MFHAS1: variants seen among roughly 807,000 people sequenced by gnomAD.
The protein encoded by MFHAS1 is multifunctional ROCO family signaling regulator 1.
A neutral mutation model predicts 70.4 loss-of-function variants in MFHAS1; 50 were observed. The observed-to-expected ratio is 0.71, with a 90% confidence interval of 0.57 to 0.90. The LOEUF (loss-of-function observed/expected upper bound fraction) is 0.90. MFHAS1 is among the 40% of genes least tolerant of loss of function. The probability of loss-of-function intolerance (pLI) is 0.00; values close to 1 mark genes in which losing one functional copy is unlikely to be tolerated. For missense variants in MFHAS1, 1,795 were observed against 1,347.6 expected (o/e 1.33, Z -5.20); for synonymous variants, 952 against 620.0 (o/e 1.54, Z -7.96).
At chr8:8,846,366 A>AGGGGG (rs1563201629) in intron 1 of MFHAS1, among the ~76,000 whole-genome samples, 33 of 124,538 alleles carry the variant, frequency 2.6e-4, no homozygotes, top group African/African-American at 9.6e-4. Flanking sequence ...GGAGGAGGAG[A>AGGGGG]AGGAGAAGGA....
chr8:8,882,004 G>A (rs4841061), intron 1 of MFHAS1, among the ~76,000 whole-genome samples: 34,066 of 151,986 alleles, frequency 0.22, 4,844 homozygotes, highest in African/African-American at 0.4. Context: ...GAATTAGGCG[G>A]TAGATATGGA....
At chr8:8,887,396 GT>G (rs2116942067) in intron 1 of MFHAS1, among the ~76,000 whole-genome samples, 1 of 151,812 alleles carries the variant, frequency 6.6e-6, no homozygotes, top group East Asian at 1.9e-4. Context: ...AGAGGAAAAT[GT>G]TTTTTGCATC....
At chr8:8,874,953 T>C (rs1809234066) in intron 1 of MFHAS1, among the ~76,000 whole-genome samples, 2 of 149,208 alleles carry the variant, frequency 1.3e-5, no homozygotes, top group Admixed American at 1.3e-4. Context: ...AAGATGTTAT[T>C]AGAGGATTCA....
intron 1 of MFHAS1, among the ~76,000 whole-genome samples, chr8:8,811,323 TTTG>T (rs1166019859): frequency 6.6e-6 from 1 of 152,086 alleles, no homozygotes; most frequent in Non-Finnish European, 1.5e-5. Context: ...TTTTTTTTTT[TTTG>T]AGATAGGGTC....
At chr8:8,868,619 G>A (rs752690896) in intron 1 of MFHAS1, among the ~76,000 whole-genome samples, 1 of 152,044 alleles carries the variant, frequency 6.6e-6, no homozygotes, top group African/African-American at 2.4e-5. Context: ...TATGGAAGAT[G>A]AGGCCGCTCA....
chr8:8,882,324 A>G (rs139408032), intron 1 of MFHAS1, among the ~76,000 whole-genome samples: 3,785 of 152,302 alleles, frequency 0.025, 179 homozygotes, highest in African/African-American at 0.085. Flanking sequence ...CAGGAGGTGG[A>G]GGTTGCAGTG....
At chr8:8,821,948 T>G (rs1444739437) in intron 1 of MFHAS1, 1 of 152,316 alleles carries the variant, frequency 6.6e-6, no homozygotes, top group Non-Finnish European at 1.5e-5. Flanking sequence ...AGCGGGTCGC[T>G]CGACAAATGG....
At position 8,891,396 on chromosome 8, in the gene MFHAS1, G is replaced by A. The variant is rs1810027841; in HGVS notation, c.1663C>T (p.His555Tyr). The A allele has an allele frequency of 3.1e-6, 5 of 1,612,332 alleles. No individual in the cohort carries two copies. In the South Asian group the frequency reaches 5.5e-5, roughly 18 times the overall value. Residue 555 changes from histidine to tyrosine, a missense_variant, in exon 1 of 3, where the codon CAC becomes TAC. Transcript: ENST00000276282. The surrounding 1 kb of genome is among the most constrained non-coding windows in gnomAD (Gnocchi z 5.4). The part of the protein sequence containing the change: ...RELEEKCLDI[H>Y]RQIALQEKHD... ...TTCTCCTGCAGGGCGATCTGGCGGT[G>A]AATGTCCAGACATTTCTCCTCCAGC...
chr8:8,872,338 T>A lies in MFHAS1; in HGVS notation c.2998+17723A>T, dbSNP rs201630684. ...GGAAATCCCCCCATGAATAAATGTG[T>A]CTGCAATCACAAATGGCCCCATAAA... On this transcript the variant is annotated intron_variant, in intron 1 of 2. Coordinates refer to ENST00000276282, the MANE Select transcript of MFHAS1 (RefSeq NM_004225.3). 2.0e-5 allele frequency among the ~76,000 whole-genome samples: 3 copies of A among 152,206 alleles called. No individual in the cohort carries two copies. In the East Asian group the frequency reaches 5.8e-4, roughly 29 times the overall value.
At chr8:8,815,201 C>G (rs1285641537) in intron 1 of MFHAS1, among the ~76,000 whole-genome samples, 2 of 152,118 alleles carry the variant, frequency 1.3e-5, no homozygotes, top group East Asian at 3.8e-4. Context: ...TGATCTTGTT[C>G]CTTTTTATGG....
intron 1 of MFHAS1, among the ~76,000 whole-genome samples, chr8:8,874,333 C>A: frequency 4.0e-5 from 1 of 24,786 alleles, no homozygotes; most frequent in Admixed American, 4.0e-4. Flanking sequence ...TAACATTCTA[C>A]ACACACACAC....
intron 1 of MFHAS1, among the ~76,000 whole-genome samples, chr8:8,889,532 T>A (rs1317512482): frequency 1.3e-5 from 2 of 152,268 alleles, no homozygotes; most frequent in East Asian, 3.8e-4. Flanking sequence ...TTTTACAATC[T>A]GATTTCTATG....
At chr8:8,792,168 C>T (rs34732488) in intron 2 of MFHAS1, among the ~76,000 whole-genome samples, 43,985 of 151,916 alleles carry the variant, frequency 0.29, 6,982 homozygotes, top group African/African-American at 0.39. Flanking sequence ...ACCCAGGGGG[C>T]AGAGGTTGCA....
At chr8:8,805,539 G>A (rs559795694) in intron 1 of MFHAS1, among the ~76,000 whole-genome samples, 1 of 152,306 alleles carries the variant, frequency 6.6e-6, no homozygotes, top group South Asian at 2.1e-4. Flanking sequence ...GGCTGGGGAG[G>A]AGGGGGAAGA....
intron 1 of MFHAS1, among the ~76,000 whole-genome samples, chr8:8,839,914 G>C (rs1017059996): frequency 1.3e-5 from 2 of 151,860 alleles, no homozygotes; most frequent in African/African-American, 2.4e-5. Context: ...AGCTTTAATA[G>C]CAAGTCAAGA....
intron 2 of MFHAS1, among the ~76,000 whole-genome samples, chr8:8,796,553 G>A (rs1013679115): frequency 4.0e-5 from 6 of 148,696 alleles, no homozygotes; most frequent in Admixed American, 6.7e-5. Flanking sequence ...GCGCGGTGGC[G>A]GGCGCCTGTA....
chr8:8,857,239 T>C (rs796192215), intron 1 of MFHAS1, among the ~76,000 whole-genome samples: 27 of 152,314 alleles, frequency 1.8e-4, no homozygotes, highest in South Asian at 6.2e-4. Context: ...TGTGGCCCTA[T>C]TGTTTAGTTA....
At chr8:8,804,722 C>T (rs571039968) in intron 1 of MFHAS1, among the ~76,000 whole-genome samples, 48 of 152,360 alleles carry the variant, frequency 3.2e-4, no homozygotes, top group South Asian at 1.7e-3. Context: ...CTCTTGATTA[C>T]TTCTGCGACT....
intron 1 of MFHAS1, among the ~76,000 whole-genome samples, chr8:8,808,134 G>A (rs1210939093): frequency 6.6e-6 from 1 of 151,666 alleles, no homozygotes; most frequent in Non-Finnish European, 1.5e-5. Flanking sequence ...GCTCCCCTGG[G>A]AACCCTCCTC....
Sources: allele counts gnomAD v4.1 joint callset (sites outside exome capture counted in the v4.1 genomes callset), GRCh38; gene constraint gnomAD v4.1.1; non-coding constraint Gnocchi (gnomAD v3.1); transcripts MANE v1.5; gene names NCBI Gene and HGNC (gene_info 2026-07-23, HGNC 2026-07-21).